Variants in RALGPS2 observed in about 807,000 individuals in gnomAD.
The protein encoded by RALGPS2 is ras-specific guanine nucleotide-releasing factor RalGPS2.
In RALGPS2, 43 loss-of-function variants were observed where a neutral mutation model predicts 86.8. That is an observed-to-expected ratio of 0.50 (90% confidence interval 0.39 to 0.64). RALGPS2 has a LOEUF of 0.64. RALGPS2 is among the 30% of genes least tolerant of loss of function. The probability of loss-of-function intolerance (pLI) is 0.00; values close to 1 mark genes in which losing one functional copy is unlikely to be tolerated. For missense variants in RALGPS2, 536 were observed against 694.6 expected, an observed-to-expected ratio of 0.77 and a Z score of 2.57; for synonymous variants, 243 against 231.3, an observed-to-expected ratio of 1.05 and a Z score of -0.46.
At chr1:178,731,650 G>C (rs899759813) in intron 1 of RALGPS2, among the ~76,000 whole-genome samples, 4 of 152,052 alleles carry the variant, frequency 2.6e-5, no homozygotes, top group Non-Finnish European at 4.4e-5. Flanking sequence ...CTTCATATGT[G>C]ACCTGGCCCT....
rs576408921 is a variant in RALGPS2, at chr1:178,733,293, C to G, written c.-84+7874C>G. ...AGAGAAGGAAAAGGCAAGTAACACA[C>G]TGGAAAAGGTGTTTGCAATACTTAT... On this transcript the variant is annotated intron_variant, in intron 1 of 19. Coordinates refer to ENST00000367635, the MANE Select transcript of RALGPS2 (RefSeq NM_152663.5). Among the ~76,000 whole-genome samples the G allele has an allele frequency of 7.2e-5, 11 of 152,252 alleles. No homozygotes were observed. The East Asian group carries it at 2.1e-3, about 29-fold the overall frequency.
At chr1:178,780,656 T>G (rs1042606703) in intron 2 of RALGPS2, among the ~76,000 whole-genome samples, 1 of 152,186 alleles carries the variant, frequency 6.6e-6, no homozygotes, top group Admixed American at 6.6e-5. Context: ...CTGTTGTCTG[T>G]ATAAACTATT....
intron 7 of RALGPS2, among the ~76,000 whole-genome samples, chr1:178,827,463 C>T (rs970072760): frequency 7.6e-5 from 11 of 144,712 alleles, no homozygotes; most frequent in African/African-American, 2.9e-4. Context: ...GGCGGGATCT[C>T]GGCTCACTGC....
intron 8 of RALGPS2, among the ~76,000 whole-genome samples, chr1:178,876,174 C>T (rs1337489509): frequency 9.9e-5 from 15 of 152,048 alleles, no homozygotes; most frequent in Non-Finnish European, 2.2e-4. Flanking sequence ...GATAGAGCAA[C>T]TGCCTTAAAT....
chr1:178,727,807 T>C (rs1650112374), intron 1 of RALGPS2, among the ~76,000 whole-genome samples: 1 of 152,054 alleles, frequency 6.6e-6, no homozygotes, highest in Admixed American at 6.5e-5. Context: ...TCCCTAGAGG[T>C]TGGGGACACA....
At chr1:178,797,516 A>G (rs941153978) in intron 4 of RALGPS2, among the ~76,000 whole-genome samples, 1 of 152,004 alleles carries the variant, frequency 6.6e-6, no homozygotes, top group Non-Finnish European at 1.5e-5. Flanking sequence ...TTAACTTTTT[A>G]TTTTGACATA....
chr1:178,859,955 G>A (rs1483049062), intron 8 of RALGPS2, among the ~76,000 whole-genome samples: 1 of 151,692 alleles, frequency 6.6e-6, no homozygotes, highest in East Asian at 1.9e-4. Flanking sequence ...CTGACCTCGT[G>A]ATCCACCCGT....
chr1:178,892,516 C>T (rs1176986464), intron 15 of RALGPS2, among the ~76,000 whole-genome samples: 1 of 152,098 alleles, frequency 6.6e-6, no homozygotes, highest in Non-Finnish European at 1.5e-5. Context: ...ATTGCTAAAA[C>T]TTGCATCTTA....
Position 178,776,738 on chromosome 1 carries a change from A to G in RALGPS2, c.-27A>G, listed in dbSNP as rs765765762. ...CAGTCAGTCCTCTGTTGCTGTTAAC[A>G]TAAGGTCAGGGACTGATGAGGAAAG... On this transcript the variant is annotated 5_prime_UTR_variant, in exon 2 of 20. Coordinates refer to ENST00000367635, the MANE Select transcript of RALGPS2 (RefSeq NM_152663.5). The G allele has an allele frequency of 1.4e-5, 23 of 1,591,538 alleles. No homozygotes were observed. Among genetic ancestry groups the G allele is most frequent in the Non-Finnish European group, 1.9e-5 (22 of 1,165,380 alleles).
intron 14 of RALGPS2, among the ~76,000 whole-genome samples, chr1:178,890,290 A>G (rs1659666158): frequency 2.0e-5 from 3 of 151,938 alleles, no homozygotes; most frequent in South Asian, 4.2e-4. Flanking sequence ...GTCTAAGTAC[A>G]TATAAGATCT....
intron 6 of RALGPS2, among the ~76,000 whole-genome samples, chr1:178,812,411 C>T (rs984544315): frequency 5.3e-5 from 8 of 152,068 alleles, no homozygotes; most frequent in Admixed American, 3.9e-4. Flanking sequence ...TAGTTGGGGT[C>T]GCCTATGGTT....
intron 1 of RALGPS2, among the ~76,000 whole-genome samples, chr1:178,759,286 C>G (rs988481023): frequency 6.6e-6 from 1 of 152,100 alleles, no homozygotes; most frequent in East Asian, 1.9e-4. Flanking sequence ...TTCTTCTATA[C>G]ATGGATATCT....
At chr1:178,879,270 T>C (rs1011957008) in intron 10 of RALGPS2, 4 of 249,784 alleles carry the variant, frequency 1.6e-5, no homozygotes, top group Non-Finnish European at 2.9e-5. Context: ...TCCCCCATAT[T>C]CAATCATTGA....
At chr1:178,901,778 C>T (rs1158266186) in intron 17 of RALGPS2, among the ~76,000 whole-genome samples, 1 of 151,598 alleles carries the variant, frequency 6.6e-6, no homozygotes, top group African/African-American at 2.4e-5. Context: ...AATGTCCTTC[C>T]TATAAGGAGT....
Position 178,789,032 on chromosome 1 carries a change from T to A in RALGPS2, c.213+3425T>A, listed in dbSNP as rs1362741479. Reference sequence around the variant, plus strand: ...AGTGATTATCCTACCTCAGCCTCCCTAGTAGCTAGGCCTCCAGGTGCATGC... The same window carrying A: ...AGTGATTATCCTACCTCAGCCTCCCAAGTAGCTAGGCCTCCAGGTGCATGC... On this transcript the variant is annotated intron_variant, in intron 4 of 19. Coordinates refer to ENST00000367635, the MANE Select transcript of RALGPS2 (RefSeq NM_152663.5). Among the ~76,000 whole-genome samples, 4 of 151,754 alleles carry A rather than the reference T, an allele frequency of 2.6e-5. No homozygotes were observed. In the East Asian group the frequency reaches 7.7e-4, roughly 29 times the overall value.
chr1:178,755,099 C>T (rs957536253), intron 1 of RALGPS2, among the ~76,000 whole-genome samples: 1 of 152,232 alleles, frequency 6.6e-6, no homozygotes, highest in African/African-American at 2.4e-5. Context: ...AGTGCCCGGC[C>T]AGTTCACCAG....
At chr1:178,799,093 G>T (rs554844389) in intron 4 of RALGPS2, among the ~76,000 whole-genome samples, 10 of 152,126 alleles carry the variant, frequency 6.6e-5, no homozygotes, top group African/African-American at 2.2e-4. Context: ...AAGCTAGAGT[G>T]CAGTGGCGCG....
chr1:178,734,087 A>C (rs1166111483), intron 1 of RALGPS2, among the ~76,000 whole-genome samples: 1 of 152,232 alleles, frequency 6.6e-6, no homozygotes, highest in East Asian at 1.9e-4. Flanking sequence ...AAGATAAACA[A>C]GTGGCCAATA....
intron 6 of RALGPS2, among the ~76,000 whole-genome samples, chr1:178,815,576 C>CA (rs749117604): frequency 4.2e-4 from 64 of 152,074 alleles, no homozygotes; most frequent in Non-Finnish European, 8.1e-4. Flanking sequence ...GCTGCTATAA[C>CA]AAAAATACCG....
Sources: gnomAD v4.1 joint callset for allele counts (sites outside exome capture counted in the v4.1 genomes callset) on GRCh38, gnomAD v4.1.1 for gene constraint, MANE v1.5 for transcripts, NCBI Gene and HGNC (gene_info 2026-07-23, HGNC 2026-07-21) for gene names.